The following AUTS2 variants were observed in gnomAD, a reference collection of about 807,000 sequenced individuals.
AUTS2 encodes the protein activator of transcription and developmental regulator AUTS2, also known as autism susceptibility gene 2 protein.
AUTS2 carries 17 observed loss-of-function variants against 112.4 expected under a neutral mutation model. The observed-to-expected ratio is 0.15, with a 90% CI of 0.10 to 0.23. The LOEUF (loss-of-function observed/expected upper bound fraction) is 0.23. Among genes scored for constraint, AUTS2 ranks in the 10% least tolerant of loss-of-function variants. AUTS2 has a pLI of 1.00. For synonymous variants in AUTS2, 751 were observed against 702.7 expected (o/e 1.07, Z -1.09); for missense variants, 1,510 against 1,701.6 (o/e 0.89, Z 1.98).
At chr7:69,691,495 G>A (rs991742362) in intron 1 of AUTS2, among the ~76,000 whole-genome samples, 2 of 152,126 alleles carry the variant, frequency 1.3e-5, no homozygotes, top group Admixed American at 6.5e-5. Context: ...CAGAGGGCTG[G>A]TGTGTCAACA....
intron 2 of AUTS2, among the ~76,000 whole-genome samples, chr7:70,049,863 TTGTG>T (rs1471427038): frequency 6.6e-6 from 1 of 151,362 alleles, no homozygotes; most frequent in African/African-American, 2.4e-5. Flanking sequence ...ACGTGTGTGT[TTGTG>T]TGTGTGTATG....
chr7:70,654,350 A>G (rs1490242932), intron 5 of AUTS2, among the ~76,000 whole-genome samples: 2 of 152,220 alleles, frequency 1.3e-5, no homozygotes, highest in Non-Finnish European at 2.9e-5. Flanking sequence ...TTGTAATGCA[A>G]AAAAGCTATT....
chr7:69,629,497 C>G (rs1271725758), intron 1 of AUTS2, among the ~76,000 whole-genome samples: 1 of 152,118 alleles, frequency 6.6e-6, no homozygotes, highest in African/African-American at 2.4e-5. Context: ...GGGGCTGGTT[C>G]TCTTCAGCAC....
At chr7:70,512,723 T>TA (rs1799246247) in intron 5 of AUTS2, among the ~76,000 whole-genome samples, 1 of 152,176 alleles carries the variant, frequency 6.6e-6, no homozygotes, top group South Asian at 2.1e-4. Flanking sequence ...ATGGTTAGTT[T>TA]TGCAGCTTTG....
At chr7:70,236,365 A>C (rs1812327594) in intron 4 of AUTS2, among the ~76,000 whole-genome samples, 1 of 152,238 alleles carries the variant, frequency 6.6e-6, no homozygotes, top group African/African-American at 2.4e-5. Flanking sequence ...GATGGCATGT[A>C]CAGTTTCATT....
intron 2 of AUTS2, among the ~76,000 whole-genome samples, chr7:69,955,011 A>G (rs1016761460): frequency 1.3e-5 from 2 of 152,222 alleles, no homozygotes; most frequent in African/African-American, 4.8e-5. Flanking sequence ...CTGTAACACC[A>G]TGTGAATTTT....
intron 5 of AUTS2, among the ~76,000 whole-genome samples, chr7:70,655,638 C>T (rs1419778997): frequency 6.6e-6 from 1 of 152,172 alleles, no homozygotes; most frequent in Non-Finnish European, 1.5e-5. Flanking sequence ...TTCTTGGGAC[C>T]TGCTTGCTTG....
chr7:69,972,669 GCA>G (rs374245020), intron 2 of AUTS2, among the ~76,000 whole-genome samples: 4,690 of 111,030 alleles, frequency 0.042, 90 homozygotes, highest in South Asian at 0.07. Flanking sequence ...GTGTGTGCGT[GCA>G]TGTGTGTGTG....
At chr7:70,324,840 A>G (rs939365279) in intron 4 of AUTS2, among the ~76,000 whole-genome samples, 1 of 152,022 alleles carries the variant, frequency 6.6e-6, no homozygotes, top group African/African-American at 2.4e-5. Flanking sequence ...CTATGTGTAT[A>G]TTTTTTCTTA....
chr7:69,892,211 C>T (rs531500944), intron 1 of AUTS2, among the ~76,000 whole-genome samples: 1 of 145,262 alleles, frequency 6.9e-6, no homozygotes, highest in Non-Finnish European at 1.5e-5. Context: ...CTTGCTCTGT[C>T]GCCCAGGCTG....
At chr7:69,733,027 C>T (rs1450449096) in intron 1 of AUTS2, among the ~76,000 whole-genome samples, 1 of 152,172 alleles carries the variant, frequency 6.6e-6, no homozygotes, top group Non-Finnish European at 1.5e-5. Flanking sequence ...CTCTGTTTAG[C>T]AGCTTGCTTT....
chr7:70,097,279 C>T (rs909482201), intron 2 of AUTS2, among the ~76,000 whole-genome samples: 2 of 152,116 alleles, frequency 1.3e-5, no homozygotes, highest in South Asian at 2.1e-4. Flanking sequence ...TTTGCATGAA[C>T]GGAGATGTAA....
At chr7:69,771,416 G>T (rs1035392067) in intron 1 of AUTS2, among the ~76,000 whole-genome samples, 4 of 152,186 alleles carry the variant, frequency 2.6e-5, no homozygotes, top group African/African-American at 9.7e-5. Context: ...TGTTGAACAC[G>T]GGGGTACAGA....
chr7:70,785,566 T>C (rs926982870), intron 16 of AUTS2: 26 of 458,114 alleles, frequency 5.7e-5, no homozygotes, highest in Non-Finnish European at 1.0e-4. Flanking sequence ...GGGCATATCA[T>C]AGGCACGCCC....
At chr7:70,079,933 C>G (rs1352736119) in intron 2 of AUTS2, among the ~76,000 whole-genome samples, 1 of 152,150 alleles carries the variant, frequency 6.6e-6, no homozygotes, top group African/African-American at 2.4e-5. Context: ...GAAGACATCA[C>G]ATGGTGAGAG....
At chr7:69,717,610 G>C (rs1341219830) in intron 1 of AUTS2, among the ~76,000 whole-genome samples, 1 of 152,126 alleles carries the variant, frequency 6.6e-6, no homozygotes, top group Non-Finnish European at 1.5e-5. Context: ...TTTTTTTGAA[G>C]TATCCTGCTT....
chr7:70,165,729 A>G (rs1339520781), intron 4 of AUTS2, among the ~76,000 whole-genome samples: 1 of 152,200 alleles, frequency 6.6e-6, no homozygotes, highest in Non-Finnish European at 1.5e-5. Flanking sequence ...GTTCTACACA[A>G]AGGAATGATG....
intron 4 of AUTS2, among the ~76,000 whole-genome samples, chr7:70,287,812 CAA>C (rs1358356994): frequency 2.5e-5 from 3 of 119,262 alleles, no homozygotes; most frequent in Admixed American, 8.4e-5. Context: ...TATGTCTTCT[CAA>C]AAAAAAAAAA....
chr7:70,705,262 G>T (rs1402786579), intron 6 of AUTS2, among the ~76,000 whole-genome samples: 3 of 152,208 alleles, frequency 2.0e-5, no homozygotes, highest in African/African-American at 4.8e-5. Context: ...GTCTCAGGAA[G>T]CACCTTTGGT....
Sources: gnomAD v4.1 joint callset for allele counts (sites outside exome capture counted in the v4.1 genomes callset) on GRCh38, gnomAD v4.1.1 for gene constraint, MANE v1.5 for transcripts, NCBI Gene and HGNC (gene_info 2026-07-23, HGNC 2026-07-21) for gene names.